The following SLC35F3 variants were observed in gnomAD, a reference collection of about 807,000 sequenced individuals.
The protein encoded by SLC35F3 is solute carrier family 35 member F3.
In SLC35F3, 25 loss-of-function variants were observed where a neutral mutation model predicts 49.9. That is an observed-to-expected ratio of 0.50 (90% confidence interval 0.37 to 0.70). The LOEUF (loss-of-function observed/expected upper bound fraction) is 0.70, where lower values mean the gene tolerates loss of function less well. Ranked by LOEUF, SLC35F3 falls within the 30% of genes least tolerant of loss-of-function variation. The probability of loss-of-function intolerance (pLI) is 0.00; values close to 1 mark genes in which losing one functional copy is unlikely to be tolerated. For synonymous variants in SLC35F3, 275 were observed against 265.4 expected (o/e 1.04, Z -0.35); for missense variants, 525 against 639.8 (o/e 0.82, Z 1.94).
intron 4 of SLC35F3, among the ~76,000 whole-genome samples, chr1:234,312,071 A>G (rs775761215): frequency 5.9e-5 from 9 of 152,322 alleles, no homozygotes; most frequent in South Asian, 2.1e-4. Flanking sequence ...GATCAGCCCA[A>G]TTCTCTTGTT....
intron 2 of SLC35F3, among the ~76,000 whole-genome samples, chr1:234,225,981 A>G (rs116580274): frequency 0.01 from 1,558 of 152,328 alleles, 20 homozygotes; most frequent in African/African-American, 0.034. Flanking sequence ...TATTATAGAG[A>G]CAGAAAACAC....
intron 2 of SLC35F3, among the ~76,000 whole-genome samples, chr1:234,021,037 CCTTTT>C (rs1461849990): frequency 2.0e-5 from 3 of 152,140 alleles, no homozygotes; most frequent in Non-Finnish European, 2.9e-5. Flanking sequence ...TTCTATCCAG[CCTTTT>C]CTTTTTCAAG....
chr1:234,178,386 A>G (rs572420921), intron 2 of SLC35F3, among the ~76,000 whole-genome samples: 135 of 151,594 alleles, frequency 8.9e-4, no homozygotes, highest in African/African-American at 3.0e-3. Flanking sequence ...TTCAGCTGCC[A>G]TTTATATTGT....
At chr1:234,151,765 G>C (rs924843859) in intron 2 of SLC35F3, among the ~76,000 whole-genome samples, 2 of 152,036 alleles carry the variant, frequency 1.3e-5, no homozygotes, top group African/African-American at 4.8e-5. Context: ...TGGGCAAAAA[G>C]ATCAAACATA....
chr1:234,247,709 T>TGGTTGGCTGGTCCATTGTTTGGTGGGTC (rs758884503), intron 3 of SLC35F3, among the ~76,000 whole-genome samples: 2 of 150,534 alleles, frequency 1.3e-5, no homozygotes, highest in Admixed American at 6.6e-5. Flanking sequence ...TTCAGTGGGT[T>TGGTTGGCTGGTCCATTGTTTGGTGGGTC]GGTTGGCTGG....
intron 2 of SLC35F3, among the ~76,000 whole-genome samples, chr1:234,068,882 T>C: frequency 7.7e-6 from 1 of 129,114 alleles, no homozygotes; most frequent in South Asian, 2.4e-4. Flanking sequence ...ATTTTACATA[T>C]TTTTTATATT....
intron 2 of SLC35F3, among the ~76,000 whole-genome samples, chr1:234,079,645 A>G (rs1484708816): frequency 6.6e-6 from 1 of 152,230 alleles, no homozygotes; most frequent in African/African-American, 2.4e-5. Context: ...ATAATCACCA[A>G]TGAAATGTCT....
In SLC35F3 at chr1:234,214,683, C is replaced by T. The variant is rs1171431483; in HGVS notation, c.284-16734C>T. 5.1e-6 allele frequency: 7 copies of T among 1,364,328 alleles called. No homozygotes were observed. Among genetic ancestry groups the T allele is most frequent in the African/African-American group, 1.5e-5 (1 of 65,352 alleles). The allele number at this position is 1,364,328 out of a possible 1,614,324, so 84.5% of individuals were successfully genotyped here. A position where few individuals can be genotyped will look rare whatever the true frequency, so the allele number is the denominator to read the frequency against. ...GGGCGCCGGGGCTGGGGGTACTGCTCCCCCAGGACGCGGCTCCGCAGTGCA... is the reference window on the plus strand; with the variant it reads ...GGGCGCCGGGGCTGGGGGTACTGCTTCCCCAGGACGCGGCTCCGCAGTGCA... On this transcript the variant is annotated intron_variant, in intron 2 of 7. Coordinates refer to ENST00000366618, the MANE Select transcript of SLC35F3 (RefSeq NM_173508.4). The surrounding 1 kb of genome is among the most constrained non-coding windows in gnomAD (Gnocchi z 8.0).
chr1:234,260,349 T>TA (rs796463561), intron 3 of SLC35F3, among the ~76,000 whole-genome samples: 187 of 152,078 alleles, frequency 1.2e-3, no homozygotes, highest in African/African-American at 4.2e-3. Flanking sequence ...TGTTCTCACT[T>TA]AAAAAAAAGA....
At chr1:234,083,956 G>A (rs1160666472) in intron 2 of SLC35F3, among the ~76,000 whole-genome samples, 1 of 151,512 alleles carries the variant, frequency 6.6e-6, no homozygotes, top group Admixed American at 6.6e-5. Context: ...TCCTGCCTCA[G>A]CCTCCTGAGT....
At chr1:234,043,225 T>C (rs909310162) in intron 2 of SLC35F3, among the ~76,000 whole-genome samples, 1 of 152,198 alleles carries the variant, frequency 6.6e-6, no homozygotes, top group Admixed American at 6.5e-5. Context: ...AGGTATGCTC[T>C]TACAGTAGCA....
intron 3 of SLC35F3, among the ~76,000 whole-genome samples, chr1:234,240,935 T>C (rs1214766530): frequency 6.6e-6 from 1 of 152,236 alleles, no homozygotes; most frequent in African/African-American, 2.4e-5. Flanking sequence ...ATCATTGTCA[T>C]GACCTTCCAG....
chr1:233,912,376 G>A (rs1383877565), intron 2 of SLC35F3, among the ~76,000 whole-genome samples: 1 of 152,142 alleles, frequency 6.6e-6, no homozygotes, highest in Non-Finnish European at 1.5e-5. Context: ...TTCTCGGGAG[G>A]CTGAGGCAGA....
At chr1:234,157,556 AAC>A (rs1453411775) in intron 2 of SLC35F3, among the ~76,000 whole-genome samples, 1 of 152,246 alleles carries the variant, frequency 6.6e-6, no homozygotes, top group Non-Finnish European at 1.5e-5. Flanking sequence ...CAATTCTGAA[AAC>A]ACAGTGCAAG....
chr1:233,919,910 A>G (rs532075757), intron 2 of SLC35F3, among the ~76,000 whole-genome samples: 2 of 152,244 alleles, frequency 1.3e-5, no homozygotes, highest in African/African-American at 4.8e-5. Context: ...AGGCTTCTCA[A>G]TCTCCTTCCT....
At chr1:233,905,202 A>C in intron 1 of SLC35F3, 72 bp downstream of exon 1, 1 of 1,499,232 alleles carries the variant, frequency 6.7e-7, no homozygotes, top group African/African-American at 1.4e-5. Context: ...AGCCCTTTGC[A>C]GCTGGGACAC....
chr1:233,913,183 A>G (rs947058039), intron 2 of SLC35F3, among the ~76,000 whole-genome samples: 1 of 152,226 alleles, frequency 6.6e-6, no homozygotes, highest in Non-Finnish European at 1.5e-5. Context: ...CATTCCAAGC[A>G]AAGGGACAAC....
chr1:234,232,820 C>G (rs1667406086), intron 3 of SLC35F3, among the ~76,000 whole-genome samples: 1 of 152,176 alleles, frequency 6.6e-6, no homozygotes, highest in Non-Finnish European at 1.5e-5. Flanking sequence ...TACCCCTGGA[C>G]CAGAATTTCT....
intron 2 of SLC35F3, among the ~76,000 whole-genome samples, chr1:234,123,693 C>T (rs1665608677): frequency 6.6e-6 from 1 of 151,952 alleles, no homozygotes; most frequent in Admixed American, 6.6e-5. Flanking sequence ...GCTGGGATTA[C>T]AGGTATCAGC....
Sources: gnomAD v4.1 joint callset for allele counts (sites outside exome capture counted in the v4.1 genomes callset) on GRCh38, gnomAD v4.1.1 for gene constraint, Gnocchi (gnomAD v3.1) non-coding constraint, MANE v1.5 for transcripts, NCBI Gene and HGNC (gene_info 2026-07-23, HGNC 2026-07-21) for gene names.